The following RUFY1 variants were observed in gnomAD, a reference collection of about 807,000 sequenced individuals.
RUFY1 encodes RUN and FYVE domain-containing protein 1.
RUFY1 carries 54 observed loss-of-function variants against 94.6 expected under a neutral mutation model. That is an observed-to-expected ratio of 0.57 (90% CI 0.46 to 0.72). The LOEUF is 0.72. Ranked by LOEUF, RUFY1 falls within the 30% of genes least tolerant of loss-of-function variation. RUFY1 has a pLI of 0.00. For synonymous variants in RUFY1, 396 were observed against 347.3 expected (o/e 1.14, Z -1.56); for missense variants, 883 against 883.9 (o/e 1.00, Z 0.01).
intron 12 of RUFY1, among the ~76,000 whole-genome samples, chr5:179,595,254 C>T (rs1185785177): frequency 2.0e-5 from 3 of 151,932 alleles, no homozygotes; most frequent in East Asian, 1.9e-4. Context: ...CCGAGGCGGG[C>T]GGATCACGAG....
intron 11 of RUFY1, 41 bp from the exon 12 acceptor site, chr5:179,594,825 G>T: frequency 5.9e-6 from 7 of 1,186,968 alleles, no homozygotes; most frequent in South Asian, 1.2e-5. Flanking sequence ...GTGCAAGGAT[G>T]TGGGACAGGC....
chr5:179,564,525 AG>A (rs1762686197), intron 3 of RUFY1, among the ~76,000 whole-genome samples: 1 of 150,888 alleles, frequency 6.6e-6, no homozygotes, highest in African/African-American at 2.4e-5. Context: ...CCCAGGCTCA[AG>A]TGATCTTTCC....
intron 4 of RUFY1, 35 bp from the exon 5 acceptor site, chr5:179,569,267 T>G: frequency 1.2e-6 from 2 of 1,613,382 alleles, no homozygotes; most frequent in Non-Finnish European, 1.7e-6. Context: ...TGAAGCTGTT[T>G]CTGAGCATCG....
At chr5:179,604,840 T>A (rs1766876763) in intron 15 of RUFY1, among the ~76,000 whole-genome samples, 1 of 150,518 alleles carries the variant, frequency 6.6e-6, no homozygotes, top group South Asian at 2.1e-4. Context: ...GAAAATAAGC[T>A]GGGTGTGGTG....
chr5:179,562,368 T>C (rs1038188601), intron 2 of RUFY1, among the ~76,000 whole-genome samples, 179 bp from the exon 3 acceptor site: 7 of 152,136 alleles, frequency 4.6e-5, no homozygotes, highest in Non-Finnish European at 8.8e-5. Flanking sequence ...GATTGCACAC[T>C]GCACTCTAGC....
chr5:179,564,210 C>A (rs916682850), intron 3 of RUFY1, among the ~76,000 whole-genome samples: 25 of 151,466 alleles, frequency 1.7e-4, no homozygotes, highest in East Asian at 1.6e-3. Context: ...ACCTCCACCC[C>A]CTGGGTTCCA....
In RUFY1 at chr5:179,609,358, C is replaced by T; in HGVS notation, c.1984-18C>T. ...TTTTCCCCGGGTGTCCTGTGACCGC[C>T]TTCTTCCCGTCCTGTAGCACCACTG... On this transcript the variant is annotated intron_variant, in intron 17 of 17. Transcript: ENST00000319449. 1.9e-6 allele frequency: 3 copies of T among 1,611,694 alleles called. No individual in the cohort carries two copies. The highest frequency in any genetic ancestry group is 2.5e-6 in the Non-Finnish European group (3 of 1,179,088).
At chr5:179,583,694 G>T (rs1360636101) in intron 7 of RUFY1, among the ~76,000 whole-genome samples, 1 of 149,586 alleles carries the variant, frequency 6.7e-6, no homozygotes, top group Non-Finnish European at 1.5e-5. Context: ...GGGATTGCAG[G>T]TGTTGAGCCA....
chr5:179,574,118 G>A (rs1206578016), intron 5 of RUFY1, among the ~76,000 whole-genome samples: 1 of 151,912 alleles, frequency 6.6e-6, no homozygotes, highest in Non-Finnish European at 1.5e-5. Flanking sequence ...TCATAAACTG[G>A]AAGGCCGGGC....
At chr5:179,600,478 C>T (rs180869156) in intron 14 of RUFY1, among the ~76,000 whole-genome samples, 2 of 152,292 alleles carry the variant, frequency 1.3e-5, no homozygotes, top group Admixed American at 6.5e-5. Context: ...CCTTCATCAT[C>T]CTTGACCAGT....
chr5:179,593,647 T>G lies in RUFY1; in HGVS notation c.1413+2T>G, dbSNP rs1562070321. 6.2e-7 allele frequency: 1 copy of G among 1,613,210 alleles called. No homozygotes were observed. The highest frequency in any genetic ancestry group is 8.5e-7 in the Non-Finnish European group (1 of 1,179,364). ...TTACAGATGTTTCACAAAGCTCAGG[T>G]GGGAGTTGGCTTTGTGTCCATGGCA... On this transcript the variant is annotated splice_donor_variant, in intron 11 of 17. Transcript: ENST00000319449. LOFTEE classifies it high-confidence loss of function.
chr5:179,550,674 GTT>G lies in RUFY1; in HGVS notation c.107_108del (p.Phe36Ter). The G allele has an allele frequency of 6.7e-7, 1 of 1,498,294 alleles. No homozygotes were observed. Among genetic ancestry groups the G allele is most frequent in the Non-Finnish European group, 8.9e-7 (1 of 1,129,908 alleles). 92.8% of individuals were successfully genotyped at this position (1,498,294 alleles called of 1,614,324 possible). On this transcript the variant is annotated frameshift_variant, in exon 1 of 18. Transcript: ENST00000319449. LOFTEE classifies it high-confidence loss of function. Reference protein sequence around the residue: ...PGSALEPGEEFEIVDRSQLPG... With the variant: ...PGSALEPGEEXEIVDRSQLPG... ...GGTCAGCGCTTGAGCCGGGAGAAGA[GTT>G]TGAGATCGTGGACCGAAGCCAGCTG...
At chr5:179,574,231 C>T (rs934289300) in intron 5 of RUFY1, among the ~76,000 whole-genome samples, 2 of 151,810 alleles carry the variant, frequency 1.3e-5, no homozygotes, top group African/African-American at 2.4e-5. Context: ...CTGGTCTCTA[C>T]CAAAAATACA....
Position 179,607,610 on chromosome 5 carries a change from C to T in RUFY1, c.1934C>T (p.Ala645Val), listed in dbSNP as rs761334539. The stretch of plus-strand genomic sequence containing the variant: ...CACGCCTGGCTGAAAGATGACGAAG[C>T]GACACACTGTAGGCAGTGTGAGAAG... ...KGHAWLKDDEATHCRQCEKEF... is the reference protein window; with the variant it reads ...KGHAWLKDDEVTHCRQCEKEF... The change falls in exon 17 of 18, where the codon GCG becomes GTG. Residue 645 changes from alanine (A) to valine (V), a missense_variant. By Grantham distance (64) the Ala-to-Val change is moderately conservative. Coordinates refer to ENST00000319449, the MANE Select transcript of RUFY1 (RefSeq NM_025158.5). 3.1e-6 allele frequency: 5 copies of T among 1,614,200 alleles called. No homozygotes were observed. Among genetic ancestry groups the T allele is most frequent in the East Asian group, 2.2e-5 (1 of 44,888 alleles).
chr5:179,604,519 G>A (rs1766831127), intron 15 of RUFY1, among the ~76,000 whole-genome samples: 1 of 152,130 alleles, frequency 6.6e-6, no homozygotes, highest in African/African-American at 2.4e-5. Context: ...AAGGGAAGGA[G>A]CTGCCTCCCG....
Position 179,550,794 on chromosome 5 carries a change from G to A in RUFY1, c.225G>A (p.Gly75=), listed in dbSNP as rs1204230343. The change falls in exon 1 of 18, where the codon GGG becomes GGA. Residue 75 remains glycine, a synonymous_variant. Transcript: ENST00000319449. ...TGACCCTGGCACGCAGGGCCACCGG[G>A]AACCTGTCGGCGAGCTGCGGGAGCG... ...PILTLARRAT[G]NLSASCGSAL... 7.4e-7 allele frequency: 1 copy of A among 1,345,846 alleles called. No homozygotes were observed. The highest frequency in any genetic ancestry group is 9.6e-7 in the Non-Finnish European group (1 of 1,045,616). 83.4% of individuals were successfully genotyped at this position (1,345,846 alleles called of 1,614,324 possible). A position where few individuals can be genotyped will look rare whatever the true frequency, so the allele number is the denominator to read the frequency against.
At chr5:179,576,974 C>A in intron 5 of RUFY1, 101 bp from the exon 6 acceptor site, 2 of 850,894 alleles carry the variant, frequency 2.4e-6, no homozygotes, top group Non-Finnish European at 3.9e-6. Flanking sequence ...AATAAATGTT[C>A]ATAGGAAAGA....
intron 12 of RUFY1, among the ~76,000 whole-genome samples, chr5:179,595,736 G>T (rs879559618): frequency 6.6e-6 from 1 of 152,026 alleles, no homozygotes; most frequent in Non-Finnish European, 1.5e-5. Flanking sequence ...TTTTTGTAGA[G>T]ATGGGGTTTC....
chr5:179,586,538 A>C (rs1346460135), intron 8 of RUFY1: 8 of 436,154 alleles, frequency 1.8e-5, no homozygotes, highest in Non-Finnish European at 3.7e-5. Context: ...GAGGGGCTTG[A>C]GAAGGAACAC....
Sources: allele counts gnomAD v4.1 joint callset (sites outside exome capture counted in the v4.1 genomes callset), GRCh38; gene constraint gnomAD v4.1.1; transcripts MANE v1.5; gene names NCBI Gene and HGNC (gene_info 2026-07-23, HGNC 2026-07-21).